ARHGEF3: variants seen among roughly 807,000 people sequenced by gnomAD.
ARHGEF3 encodes the protein 59.8 kDA protein.
A neutral mutation model predicts 63.2 loss-of-function variants in ARHGEF3; 28 were observed. The observed-to-expected ratio is 0.44, with a 90% confidence interval of 0.33 to 0.61. ARHGEF3 has a LOEUF of 0.61. Ranked by LOEUF, ARHGEF3 falls within the 20% of genes least tolerant of loss-of-function variation. The probability of loss-of-function intolerance (pLI) is 0.03; values close to 1 mark genes in which losing one functional copy is unlikely to be tolerated. For missense variants in ARHGEF3, 533 were observed against 659.3 expected, an observed-to-expected ratio of 0.81 and a Z score of 2.10; for synonymous variants, 266 against 254.2, an observed-to-expected ratio of 1.05 and a Z score of -0.44.
intron 1 of ARHGEF3, chr3:57,060,713 C>G (rs775337587): frequency 1.3e-5 from 2 of 152,232 alleles, no homozygotes; most frequent in Non-Finnish European, 2.9e-5. Flanking sequence ...CCTCATCTCC[C>G]CCACTCTTCC....
chr3:56,799,880 C>G (rs1475683992), intron 1 of ARHGEF3, among the ~76,000 whole-genome samples: 2 of 152,150 alleles, frequency 1.3e-5, no homozygotes, highest in Non-Finnish European at 2.9e-5. Context: ...ACAAAAACCC[C>G]AATAGTGATA....
chr3:57,042,684 A>AT (rs1704258131), intron 1 of ARHGEF3, among the ~76,000 whole-genome samples: 1 of 9,866 alleles, frequency 1.0e-4, no homozygotes, highest in Non-Finnish European at 1.6e-4. Flanking sequence ...ATATATATAT[A>AT]TATATATATA....
At chr3:57,054,479 A>G (rs1162460296) in intron 1 of ARHGEF3, among the ~76,000 whole-genome samples, 3 of 148,980 alleles carry the variant, frequency 2.0e-5, no homozygotes, top group Non-Finnish European at 4.5e-5. Flanking sequence ...AAAATACGAA[A>G]AAAAAAAAAA....
chr3:56,958,684 C>T (rs1700150794), intron 3 of ARHGEF3: 1 of 902,682 alleles, frequency 1.1e-6, no homozygotes, highest in East Asian at 2.7e-5. Context: ...TGTGACTTCC[C>T]CAAGTGGTAA....
At chr3:57,063,415 G>A (rs1705342468) in intron 1 of ARHGEF3, among the ~76,000 whole-genome samples, 1 of 152,208 alleles carries the variant, frequency 6.6e-6, no homozygotes, top group Non-Finnish European at 1.5e-5. Context: ...CTGAAAGGAG[G>A]TAAAGGCAGA....
rs768511684 is a variant in ARHGEF3 at position 56,754,964 on chromosome 3, A to G, written c.375+17T>C. ...TTGTTCCAGACACACAGCCAGCTCCATGGGCCCCGAGCCTACCTCCTGACG... is the reference window on the plus strand; with the variant it reads ...TTGTTCCAGACACACAGCCAGCTCCGTGGGCCCCGAGCCTACCTCCTGACG... On this transcript the variant is annotated intron_variant, in intron 3 of 9. Coordinates refer to ENST00000296315, the MANE Select transcript of ARHGEF3 (RefSeq NM_019555.3). 3 of 1,614,086 alleles carry G rather than the reference A, an allele frequency of 1.9e-6. No individual in the cohort carries two copies. Among genetic ancestry groups the G allele is most frequent in the Non-Finnish European group, 2.5e-6 (3 of 1,179,974 alleles).
intron 4 of ARHGEF3, among the ~76,000 whole-genome samples, chr3:56,862,292 A>G (rs771165565): frequency 1.3e-5 from 2 of 152,132 alleles, no homozygotes; most frequent in Admixed American, 6.5e-5. Flanking sequence ...CCCTACTCCA[A>G]TGCCTACTGG....
chr3:56,882,508 CTTTTTTT>C (rs397989726), intron 3 of ARHGEF3, among the ~76,000 whole-genome samples: 4 of 84,334 alleles, frequency 4.7e-5, no homozygotes, highest in African/African-American at 1.6e-4. Flanking sequence ...ATGAACACTT[CTTTTTTT>C]TTTTTTTTTT....
chr3:56,899,677 G>A (rs945342711), intron 3 of ARHGEF3, among the ~76,000 whole-genome samples: 10 of 152,098 alleles, frequency 6.6e-5, no homozygotes, highest in African/African-American at 2.4e-4. Context: ...CAAATGAGTG[G>A]GACTTAGGAA....
rs761120090 is a variant in ARHGEF3, at chr3:56,801,718, C to T, written c.81G>A (p.Pro27=). The change falls in exon 1 of 10, where the codon CCG becomes CCA. Residue 27 remains proline, a synonymous_variant. Transcript: ENST00000296315. ...CSLELPPASG[P]AKDAEEPSNK... Reference sequence around the variant, plus strand: ...GCGGCCCTACCTCAGCGTCCTTGGCCGGACCGCTGGCCGGGGGTAGCTCCA... The same window carrying T: ...GCGGCCCTACCTCAGCGTCCTTGGCTGGACCGCTGGCCGGGGGTAGCTCCA... 6 of 1,561,866 alleles carry T rather than the reference C, an allele frequency of 3.8e-6. No individual in the cohort carries two copies. The highest frequency in any genetic ancestry group is 2.4e-5 in the East Asian group (1 of 42,232).
At chr3:56,776,481 T>A (rs115066155) in intron 1 of ARHGEF3, among the ~76,000 whole-genome samples, 2 of 152,174 alleles carry the variant, frequency 1.3e-5, no homozygotes, top group South Asian at 4.1e-4. Flanking sequence ...TTACAGGTTA[T>A]TGGATCTATG....
intron 4 of ARHGEF3, among the ~76,000 whole-genome samples, chr3:56,835,921 G>C (rs1016747260): frequency 9.2e-5 from 14 of 152,222 alleles, no homozygotes; most frequent in African/African-American, 2.7e-4. Flanking sequence ...ATTTCTCAGA[G>C]AGTCAAGAAA....
intron 3 of ARHGEF3, among the ~76,000 whole-genome samples, chr3:56,948,143 A>AT (rs1288566569): frequency 2.0e-5 from 3 of 152,210 alleles, no homozygotes; most frequent in Admixed American, 6.5e-5. Flanking sequence ...GTAGAGGGAA[A>AT]TTTATAGCAC....
chr3:56,974,421 G>C (rs1285554732), intron 2 of ARHGEF3, among the ~76,000 whole-genome samples: 3 of 152,072 alleles, frequency 2.0e-5, no homozygotes, highest in Non-Finnish European at 4.4e-5. Context: ...TACCTCATTT[G>C]GCATTCTCAT....
intron 7 of ARHGEF3, among the ~76,000 whole-genome samples, chr3:56,741,496 CTTTTTTTTTTTTTTTT>C (rs71072191): frequency 2.0e-5 from 1 of 50,510 alleles, no homozygotes; most frequent in Admixed American, 2.9e-4. Flanking sequence ...TACATTGGTT[CTTTTTTTTTTTTTTTT>C]TTTTTTTTTT....
intron 8 of ARHGEF3, among the ~76,000 whole-genome samples, chr3:56,736,817 G>A (rs530126089): frequency 1.3e-5 from 2 of 152,306 alleles, no homozygotes; most frequent in South Asian, 2.1e-4. Context: ...CGAAGGACAG[G>A]CACGGTGGCT....
At chr3:56,774,117 T>C (rs2036162406) in intron 1 of ARHGEF3, among the ~76,000 whole-genome samples, 1 of 152,148 alleles carries the variant, frequency 6.6e-6, no homozygotes, top group Non-Finnish European at 1.5e-5. Context: ...AAGCTTCCAC[T>C]TAGTAGAACC....
At chr3:57,016,114 C>A (rs1469119229) in intron 2 of ARHGEF3, among the ~76,000 whole-genome samples, 1 of 152,222 alleles carries the variant, frequency 6.6e-6, no homozygotes, top group Non-Finnish European at 1.5e-5. Context: ...AACTATCTTT[C>A]TGCCATTTGT....
At chr3:56,953,143 C>A (rs1244260465) in intron 3 of ARHGEF3, among the ~76,000 whole-genome samples, 1 of 152,146 alleles carries the variant, frequency 6.6e-6, no homozygotes, top group Non-Finnish European at 1.5e-5. Flanking sequence ...ACTGAGCCTG[C>A]AAGAGAAGTG....
Sources: gnomAD v4.1 joint callset for allele counts (sites outside exome capture counted in the v4.1 genomes callset) on GRCh38, gnomAD v4.1.1 for gene constraint, MANE v1.5 for transcripts, NCBI Gene and HGNC (gene_info 2026-07-23, HGNC 2026-07-21) for gene names.